The following WASHC5 variants were observed in gnomAD, a reference collection of about 807,000 sequenced individuals.
WASHC5 encodes WASH complex subunit 5, also known as WASH complex subunit strumpellin.
In WASHC5, 101 loss-of-function variants were observed where a neutral mutation model predicts 150.4. The observed-to-expected ratio is 0.67, with a 90% CI of 0.57 to 0.79. WASHC5 has a LOEUF of 0.79. Ranked by LOEUF, WASHC5 falls within the 30% of genes least tolerant of loss-of-function variation. The pLI is 0.00. For missense variants in WASHC5, 1,195 were observed against 1,396.3 expected (o/e 0.86, Z 2.30); for synonymous variants, 467 against 491.2 (o/e 0.95, Z 0.65).
chr8:125,073,305 A>T lies in WASHC5; in HGVS notation c.998T>A (p.Val333Asp), dbSNP rs773757392. The T allele has an allele frequency of 6.2e-7, 1 of 1,613,952 alleles. No individual in the cohort carries two copies. ...VREQASRYAT[V>D]SERVHAQVQQ... ...CACTTGAGCATGCACTCTTTCACTG[A>T]CAGTAGCATATCTGCTTGCCTTGAC... Residue 333 changes from valine to aspartate, a missense_variant, in exon 9 of 29, where the codon GTC becomes GAC. Coordinates refer to ENST00000318410, the MANE Select transcript of WASHC5 (RefSeq NM_014846.4).
In WASHC5 at chr8:125,044,017, A is replaced by G; in HGVS notation, c.2745T>C (p.Ala915=). Residue 915 remains alanine, a synonymous_variant, in exon 22 of 29, where the codon GCT becomes GCC. Coordinates refer to ENST00000318410, the MANE Select transcript of WASHC5 (RefSeq NM_014846.4). ...CGACAATACTTTTTAGGGGACTGACAGCATTCATGAGGGTTTTTAAAGTGT... is the reference window on the plus strand; with the variant it reads ...CGACAATACTTTTTAGGGGACTGACGGCATTCATGAGGGTTTTTAAAGTGT... ...VQDTLKTLMN[A]VSPLKSIVAN... is the part of the protein sequence containing the mutation. 3.7e-6 allele frequency: 6 copies of G among 1,613,560 alleles called. No homozygotes were observed. In the East Asian group the frequency reaches 8.9e-5, roughly 24 times the overall value.
chr8:125,067,831 A>C, intron 9 of WASHC5, 112 bp from the exon 10 acceptor site: 1 of 1,098,014 alleles, frequency 9.1e-7, no homozygotes, highest in Non-Finnish European at 1.4e-6. Context: ...AGTAATAAGC[A>C]AAATGTATAT....
At chr8:125,079,260 C>G (rs1368800542) in intron 5 of WASHC5, among the ~76,000 whole-genome samples, 5 of 129,390 alleles carry the variant, frequency 3.9e-5, no homozygotes, top group Non-Finnish European at 7.8e-5. Context: ...GGCGTGATCT[C>G]AGCTCACTGC....
intron 28 of WASHC5, among the ~76,000 whole-genome samples, chr8:125,026,163 A>G (rs970799042): frequency 3.3e-5 from 5 of 152,224 alleles, no homozygotes; most frequent in African/African-American, 1.2e-4. Context: ...CCAACCTGAT[A>G]AGTGGAAACA....
chr8:125,049,668 G>A (rs1377132729), intron 18 of WASHC5, among the ~76,000 whole-genome samples: 1 of 152,160 alleles, frequency 6.6e-6, no homozygotes, highest in Non-Finnish European at 1.5e-5. Context: ...CCAACGTGAT[G>A]AAACCCCATC....
At chr8:125,028,856 G>T in intron 27 of WASHC5, 149 bp from the exon 28 acceptor site, 1 of 670,298 alleles carries the variant, frequency 1.5e-6, no homozygotes, top group Non-Finnish European at 2.7e-6. Context: ...TTCCTGTCAA[G>T]TTGTTACCTT....
chr8:125,088,380 G>A (rs1432231457), intron 1 of WASHC5, among the ~76,000 whole-genome samples: 1 of 145,782 alleles, frequency 6.9e-6, no homozygotes, highest in Non-Finnish European at 1.5e-5. Context: ...AACCGAGATT[G>A]CACCACTGCA....
At chr8:125,030,960 G>A (rs1221899119) in intron 27 of WASHC5, among the ~76,000 whole-genome samples, 1 of 152,208 alleles carries the variant, frequency 6.6e-6, no homozygotes, top group Non-Finnish European at 1.5e-5. Flanking sequence ...GCAAAGGAGG[G>A]AGACTGCATT....
intron 9 of WASHC5, 120 bp downstream of exon 9, chr8:125,073,033 C>T: frequency 9.3e-7 from 1 of 1,073,962 alleles, no homozygotes. Flanking sequence ...CTTTAAAAAG[C>T]AACTTGATTC....
At chr8:125,079,402 GCTGGTCTTAAATGT>G (rs1198179989) in intron 5 of WASHC5, among the ~76,000 whole-genome samples, 8 of 151,412 alleles carry the variant, frequency 5.3e-5, no homozygotes, top group Non-Finnish European at 7.4e-5. Flanking sequence ...GCTGGCCCAG[GCTGGTCTTAAATGT>G]CTGACCTCAA....
intron 6 of WASHC5, 92 bp from the exon 7 acceptor site, chr8:125,076,592 A>C (rs1360887165): frequency 6.8e-7 from 1 of 1,474,056 alleles, no homozygotes; most frequent in African/African-American, 1.4e-5. Context: ...AAGACACATC[A>C]GTTTTTCCAA....
intron 18 of WASHC5, 89 bp from the exon 19 acceptor site, chr8:125,049,274 G>T: frequency 7.0e-7 from 1 of 1,425,694 alleles, no homozygotes. Context: ...AAATAGTATA[G>T]CAGGCCAGAT....
At chr8:125,036,365 T>C (rs576299549) in intron 26 of WASHC5, among the ~76,000 whole-genome samples, 2 of 152,358 alleles carry the variant, frequency 1.3e-5, no homozygotes, top group African/African-American at 4.8e-5. Context: ...GACCATACTT[T>C]GTTGATTTTA....
At chr8:125,057,093 C>T (rs1365404557) in intron 15 of WASHC5, among the ~76,000 whole-genome samples, 1 of 152,184 alleles carries the variant, frequency 6.6e-6, no homozygotes, top group Non-Finnish European at 1.5e-5. Context: ...TAAGTAACAT[C>T]ACTATAGAGG....
intron 26 of WASHC5, 89 bp downstream of exon 26, chr8:125,037,148 G>A (rs754010773): frequency 6.0e-5 from 48 of 801,670 alleles, no homozygotes; most frequent in Non-Finnish European, 1.0e-4. Flanking sequence ...TCTCATATCC[G>A]ACATAGGCAT....
chr8:125,066,151 G>A (rs1396149363), intron 10 of WASHC5, among the ~76,000 whole-genome samples: 3 of 152,166 alleles, frequency 2.0e-5, no homozygotes, highest in African/African-American at 7.2e-5. Flanking sequence ...TTGCTATTCA[G>A]AGGGAAACCA....
Position 125,090,542 on chromosome 8 carries a change from A to AT in WASHC5, c.-125+1072dup, listed in dbSNP as rs1316236308. Among the ~76,000 whole-genome samples, 3 of 152,070 alleles carry AT rather than the reference A, an allele frequency of 2.0e-5. No individual in the cohort carries two copies. In the East Asian group the frequency reaches 5.8e-4, roughly 29 times the overall value. On this transcript the variant is annotated intron_variant, in intron 1 of 28. Coordinates refer to ENST00000318410, the MANE Select transcript of WASHC5 (RefSeq NM_014846.4). ...TCCAGAGATCCCACTATATTTTCTT[A>AT]TTTTCTTTTACAAGTGCCGGTAACT...
chr8:125,091,404 C>G (rs1275377626), intron 1 of WASHC5, among the ~76,000 whole-genome samples: 1 of 152,094 alleles, frequency 6.6e-6, no homozygotes, highest in Non-Finnish European at 1.5e-5. Context: ...CTTCCTAAAG[C>G]GAGGAAGGGG....
intron 10 of WASHC5, among the ~76,000 whole-genome samples, chr8:125,065,076 A>G (rs762982059): frequency 6.6e-6 from 1 of 152,198 alleles, no homozygotes; most frequent in African/African-American, 2.4e-5. Context: ...ACTCATTCAC[A>G]TGAACTCACA....
Sources: gnomAD v4.1 joint callset for allele counts (sites outside exome capture counted in the v4.1 genomes callset) on GRCh38, gnomAD v4.1.1 for gene constraint, MANE v1.5 for transcripts, NCBI Gene and HGNC (gene_info 2026-07-23, HGNC 2026-07-21) for gene names.